MACROD2: variants seen among roughly 807,000 people sequenced by gnomAD.
The protein encoded by MACROD2 is ADP-ribose glycohydrolase MACROD2.
In MACROD2, 36 loss-of-function variants were observed where a neutral mutation model predicts 70.4. The observed-to-expected ratio is 0.51, with a 90% CI of 0.39 to 0.68. The LOEUF is 0.68. Among genes scored for constraint, MACROD2 ranks in the 30% least tolerant of loss-of-function variants. The probability of loss-of-function intolerance (pLI) is 0.00; values close to 1 mark genes in which losing one functional copy is unlikely to be tolerated. For missense variants in MACROD2, 496 were observed against 538.4 expected (o/e 0.92, Z 0.78); for synonymous variants, 172 against 178.8 (o/e 0.96, Z 0.30).
chr20:14,753,917 T>C (rs2071907739), intron 5 of MACROD2, among the ~76,000 whole-genome samples: 1 of 152,066 alleles, frequency 6.6e-6, no homozygotes, highest in African/African-American at 2.4e-5. Context: ...TTTCATGAAC[T>C]GGGAACTGTG....
At chr20:15,785,065 T>A (rs1396490406) in intron 8 of MACROD2, among the ~76,000 whole-genome samples, 1 of 145,214 alleles carries the variant, frequency 6.9e-6, no homozygotes, top group Non-Finnish European at 1.5e-5. Flanking sequence ...GGCAGGAGAA[T>A]GGCGTGAACC....
At chr20:14,488,554 C>T (rs547061096) in intron 3 of MACROD2, among the ~76,000 whole-genome samples, 14 of 152,088 alleles carry the variant, frequency 9.2e-5, no homozygotes, top group Admixed American at 6.6e-4. Context: ...TTTTCTATAA[C>T]CACCTTTGGA....
intron 7 of MACROD2, among the ~76,000 whole-genome samples, chr20:15,482,035 C>G (rs190224900): frequency 6.6e-6 from 1 of 152,088 alleles, no homozygotes; most frequent in Non-Finnish European, 1.5e-5. Context: ...AATTGTCATA[C>G]CCACACATGC....
chr20:14,921,229 C>T (rs2074158995), intron 5 of MACROD2, among the ~76,000 whole-genome samples: 1 of 152,146 alleles, frequency 6.6e-6, no homozygotes, highest in East Asian at 1.9e-4. Context: ...AAATCCATTT[C>T]TGTATTACAT....
intron 5 of MACROD2, among the ~76,000 whole-genome samples, chr20:15,165,194 G>T (rs1276936813): frequency 2.6e-5 from 4 of 152,200 alleles, no homozygotes; most frequent in African/African-American, 7.2e-5. Flanking sequence ...GGTGGCTTAC[G>T]CCTGTAATCC....
chr20:15,076,126 G>A (rs1252235723), intron 5 of MACROD2, among the ~76,000 whole-genome samples: 1 of 150,568 alleles, frequency 6.6e-6, no homozygotes, highest in Non-Finnish European at 1.5e-5. Context: ...TTATATACTT[G>A]TTATGATACT....
chr20:14,573,557 A>G (rs1431063784), intron 4 of MACROD2, among the ~76,000 whole-genome samples: 1 of 146,300 alleles, frequency 6.8e-6, no homozygotes, highest in Non-Finnish European at 1.5e-5. Context: ...GGGTAGGATT[A>G]GGCCTTAGAG....
At chr20:15,513,388 A>T (rs946872236) in intron 8 of MACROD2, among the ~76,000 whole-genome samples, 1 of 152,222 alleles carries the variant, frequency 6.6e-6, no homozygotes, top group African/African-American at 2.4e-5. Flanking sequence ...AATTAAAGGG[A>T]TTCCATGAAG....
At position 13,995,717 on chromosome 20, in the gene MACROD2, T is replaced by C; in HGVS notation, c.-47T>C. The C allele has an allele frequency of 7.0e-7, 1 of 1,438,486 alleles. No homozygotes were observed. The highest frequency in any genetic ancestry group is 9.5e-7 in the Non-Finnish European group (1 of 1,053,212). The allele number at this position is 1,438,486 out of a possible 1,614,324, so 89.1% of individuals were successfully genotyped here. A position where few individuals can be genotyped will look rare whatever the true frequency, so the allele number is the denominator to read the frequency against. On this transcript the variant is annotated 5_prime_UTR_variant, in exon 1 of 18. Transcript: ENST00000684519. The surrounding 1 kb of genome is among the most constrained non-coding windows in gnomAD (Gnocchi z 4.3). ...ACTCCACACACACCCTGTTTGCCCG[T>C]GAGCCTGGGGAACTTGCAGCTTAAA...
intron 6 of MACROD2, among the ~76,000 whole-genome samples, chr20:15,270,116 A>G (rs535448925): frequency 6.6e-6 from 1 of 150,566 alleles, no homozygotes; most frequent in East Asian, 1.9e-4. Context: ...TCCTGAAGTT[A>G]ATAAAGCTCC....
chr20:15,983,932 A>C (rs936446557), intron 13 of MACROD2, among the ~76,000 whole-genome samples: 8 of 152,194 alleles, frequency 5.3e-5, no homozygotes, highest in Admixed American at 1.3e-4. Flanking sequence ...ATTAGTTTTT[A>C]GACTAAAGAA....
chr20:14,419,853 T>A (rs1016331193), intron 3 of MACROD2, among the ~76,000 whole-genome samples: 1 of 152,080 alleles, frequency 6.6e-6, no homozygotes, highest in Non-Finnish European at 1.5e-5. Context: ...TCATGGGCAT[T>A]TTGTCATGTC....
chr20:14,015,103 T>C (rs1174623416), intron 2 of MACROD2, among the ~76,000 whole-genome samples: 1 of 152,132 alleles, frequency 6.6e-6, no homozygotes, highest in Non-Finnish European at 1.5e-5. Flanking sequence ...GCCCCTTTTC[T>C]TGAGTTCTCT....
chr20:15,313,493 C>A lies in MACROD2; in HGVS notation c.540+83432C>A, dbSNP rs530416084. On this transcript the variant is annotated intron_variant, in intron 6 of 17. Coordinates refer to ENST00000684519, the MANE Select transcript of MACROD2 (RefSeq NM_001351661.2). ...CTGCACTCCAGCCTGGGCGACAGAG[C>A]GAGACTCCGTCTCAAAAAAAAAAAA... Among the ~76,000 whole-genome samples the A allele has an allele frequency of 9.8e-4, 124 of 127,046 alleles. 1 individual carries two copies. Among genetic ancestry groups the A allele is most frequent in the African/African-American group, 3.6e-3 (117 of 32,284 alleles). 83.3% of individuals were successfully genotyped at this position (127,046 alleles called of 152,430 possible).
At chr20:15,409,356 A>G (rs1485301074) in intron 6 of MACROD2, among the ~76,000 whole-genome samples, 2 of 152,230 alleles carry the variant, frequency 1.3e-5, no homozygotes, top group East Asian at 3.8e-4. Flanking sequence ...CCTCTTGAAT[A>G]GTGATTATGT....
intron 8 of MACROD2, among the ~76,000 whole-genome samples, chr20:15,852,507 T>C (rs1308852231): frequency 6.6e-6 from 1 of 152,216 alleles, no homozygotes; most frequent in African/African-American, 2.4e-5. Flanking sequence ...AATTTTCCCA[T>C]TCTGTAATTT....
chr20:15,651,824 T>G (rs1272253960), intron 8 of MACROD2, among the ~76,000 whole-genome samples: 1 of 152,220 alleles, frequency 6.6e-6, no homozygotes, highest in East Asian at 1.9e-4. Context: ...GTTGAAGCAC[T>G]AATGAAAAGA....
At chr20:15,342,245 G>A (rs150161504) in intron 6 of MACROD2, among the ~76,000 whole-genome samples, 115 of 152,262 alleles carry the variant, frequency 7.6e-4, no homozygotes, top group African/African-American at 2.7e-3. Flanking sequence ...GCAGATCAAC[G>A]CAAGTTGCAC....
intron 6 of MACROD2, among the ~76,000 whole-genome samples, chr20:15,328,949 A>G (rs2077962354): frequency 6.6e-6 from 1 of 152,148 alleles, no homozygotes. Context: ...ATCTAAATAT[A>G]CAGCGATGAA....
Sources: gnomAD v4.1 joint callset for allele counts (sites outside exome capture counted in the v4.1 genomes callset) on GRCh38, gnomAD v4.1.1 for gene constraint, Gnocchi (gnomAD v3.1) non-coding constraint, MANE v1.5 for transcripts, NCBI Gene and HGNC (gene_info 2026-07-23, HGNC 2026-07-21) for gene names.